The following TRPC7 variants were observed in gnomAD, a reference collection of about 807,000 sequenced individuals.
TRPC7 encodes the protein transient receptor potential cation channel subfamily C member 7.
In TRPC7, 42 loss-of-function variants were observed where a neutral mutation model predicts 90.1. That is an observed-to-expected ratio of 0.47 (90% confidence interval 0.36 to 0.60). The LOEUF (loss-of-function observed/expected upper bound fraction) is 0.60. Ranked by LOEUF, TRPC7 falls within the 20% of genes least tolerant of loss-of-function variation. The probability of loss-of-function intolerance (pLI) is 0.00; values close to 1 mark genes in which losing one functional copy is unlikely to be tolerated. For synonymous variants in TRPC7, 451 were observed against 436.3 expected (o/e 1.03, Z -0.42); for missense variants, 955 against 1,112.3 (o/e 0.86, Z 2.01).
intron 6 of TRPC7, among the ~76,000 whole-genome samples, chr5:136,250,908 C>T (rs567722413): frequency 6.6e-6 from 1 of 152,308 alleles, no homozygotes; most frequent in East Asian, 1.9e-4. Context: ...GGATTCCCTG[C>T]TATACAAGGC....
At chr5:136,262,458 A>G (rs1224723769) in intron 5 of TRPC7, among the ~76,000 whole-genome samples, 1 of 152,216 alleles carries the variant, frequency 6.6e-6, no homozygotes, top group Admixed American at 6.5e-5. Context: ...TACCTGCTCA[A>G]CTACTCTGAT....
In TRPC7 at chr5:136,345,376, C is replaced by T. The variant is rs564273847; in HGVS notation, c.780+11232G>A. The stretch of plus-strand genomic sequence containing the variant: ...TTTGAGACCAGCCTGGCCAACATGG[C>T]GAAACCCCGTCTCTACTAAAAATAC... On this transcript the variant is annotated intron_variant, in intron 2 of 11. Transcript: ENST00000513104. Among the ~76,000 whole-genome samples the T allele has an allele frequency of 2.5e-4, 38 of 151,908 alleles. No individual in the cohort carries two copies. In the East Asian group the frequency reaches 2.9e-3, roughly 12 times the overall value.
Position 136,247,546 on chromosome 5 carries a change from A to G in TRPC7, c.1769T>C (p.Phe590Ser). ...FKFMVIFIMV[F>S]VAFMIGMFNL... is the part of the protein sequence containing the mutation. ...GAACATCCCAATCATGAAGGCCACAAATACCATGATGAAAATGACCATGAA... is the reference window on the plus strand; with the variant it reads ...GAACATCCCAATCATGAAGGCCACAGATACCATGATGAAAATGACCATGAA... The change falls in exon 7 of 12, where the codon TTT (phenylalanine) becomes TCT (serine). Residue 590 changes from phenylalanine to serine, a missense_variant. This residue lies in a region of TRPC7 where 296 missense variants were observed against 422.7 expected (regional missense o/e 0.70). Coordinates refer to ENST00000513104, the MANE Select transcript of TRPC7 (RefSeq NM_020389.3). This position sits in a 1 kb window ranked among gnomAD's most constrained non-coding sequence, Gnocchi z 4.2. 1 of 1,614,002 alleles carries G rather than the reference A, an allele frequency of 6.2e-7. No homozygotes were observed. Among genetic ancestry groups the G allele is most frequent in the Non-Finnish European group, 8.5e-7 (1 of 1,179,882 alleles).
rs550615279 is a variant in TRPC7, at chr5:136,359,429, A to G, written c.3-2044T>C. Among the ~76,000 whole-genome samples the G allele has an allele frequency of 3.4e-4, 51 of 151,972 alleles. No homozygotes were observed. In the South Asian group the frequency reaches 0.01, roughly 30 times the overall value. On this transcript the variant is annotated intron_variant, in intron 1 of 11. Transcript: ENST00000513104. ...TGTACACCTTTAGGAAGAGCGTCTG[A>G]ACCACCATCCACTTTTTTAAAGTGC...
chr5:136,288,964 C>T (rs955005267), intron 3 of TRPC7, among the ~76,000 whole-genome samples: 6 of 152,286 alleles, frequency 3.9e-5, no homozygotes, highest in Admixed American at 1.3e-4. Flanking sequence ...TCTTTGTAAA[C>T]CCTCCCTAAT....
intron 3 of TRPC7, among the ~76,000 whole-genome samples, chr5:136,287,468 G>A (rs1190211537): frequency 6.6e-6 from 1 of 151,684 alleles, no homozygotes; most frequent in African/African-American, 2.4e-5. Flanking sequence ...TGCCTTGGAG[G>A]TAGATGGACC....
intron 3 of TRPC7, among the ~76,000 whole-genome samples, chr5:136,285,716 A>C (rs1757690797): frequency 6.6e-6 from 1 of 152,206 alleles, no homozygotes; most frequent in African/African-American, 2.4e-5. Context: ...CTGATGATAG[A>C]TTTTGTAATC....
chr5:136,327,493 GA>G (rs1031814046), intron 2 of TRPC7, among the ~76,000 whole-genome samples: 3 of 152,186 alleles, frequency 2.0e-5, no homozygotes, highest in Non-Finnish European at 4.4e-5. Flanking sequence ...ATCGCTCAGA[GA>G]AGGGGTTCAG....
At chr5:136,320,033 G>A (rs866718088) in intron 2 of TRPC7, among the ~76,000 whole-genome samples, 10 of 151,848 alleles carry the variant, frequency 6.6e-5, no homozygotes, top group East Asian at 3.9e-4. Flanking sequence ...TTTCTTCTCC[G>A]TATCCAATTA....
intron 7 of TRPC7, among the ~76,000 whole-genome samples, chr5:136,237,698 A>G (rs1292891680): frequency 2.0e-5 from 3 of 152,234 alleles, no homozygotes; most frequent in Non-Finnish European, 4.4e-5. Context: ...TGAGGATTGA[A>G]TGAGTTAATG....
At chr5:136,325,317 T>C (rs888855659) in intron 2 of TRPC7, among the ~76,000 whole-genome samples, 3 of 152,156 alleles carry the variant, frequency 2.0e-5, no homozygotes, top group African/African-American at 7.2e-5. Flanking sequence ...GCCACTGATA[T>C]CGACAGCTCT....
At chr5:136,248,058 G>A (rs920998094) in intron 6 of TRPC7, among the ~76,000 whole-genome samples, 1 of 152,180 alleles carries the variant, frequency 6.6e-6, no homozygotes, top group Non-Finnish European at 1.5e-5. Flanking sequence ...GTTTCCGTCT[G>A]TGCTCTCATT....
intron 3 of TRPC7, among the ~76,000 whole-genome samples, chr5:136,294,676 A>C (rs76750719): frequency 0.64 from 96,499 of 151,910 alleles, 31,326 homozygotes; most frequent in African/African-American, 0.78. Context: ...ATAAGGAACA[A>C]TTTTACACTG....
chr5:136,357,194 TC>T lies in TRPC7; in HGVS notation c.193del (p.Glu65SerfsTer27), dbSNP rs1410626943. 6.2e-7 allele frequency: 1 copy of T among 1,614,010 alleles called. No homozygotes were observed. The highest frequency in any genetic ancestry group is 2.2e-5 in the East Asian group (1 of 44,862). ...NIPVVRKMLEESKTLNFNCVD... is the reference protein window; with the variant it reads ...NIPVVRKMLEXSKTLNFNCVD... Reference sequence around the variant, plus strand: ...ACAGTTGAAGTTAAGGGTCTTGGACTCCTCCAGCATTTTCCGGACCACCGGG... The same window carrying T: ...ACAGTTGAAGTTAAGGGTCTTGGACTCTCCAGCATTTTCCGGACCACCGGG... On this transcript the variant is annotated frameshift_variant, in exon 2 of 12. Transcript: ENST00000513104. LOFTEE classifies it high-confidence loss of function.
At position 136,359,548 on chromosome 5, in the gene TRPC7, G is replaced by A. The variant is rs3756700; in HGVS notation, c.3-2163C>T. On this transcript the variant is annotated intron_variant, in intron 1 of 11. Coordinates refer to ENST00000513104, the MANE Select transcript of TRPC7 (RefSeq NM_020389.3). ...TCCTTTCAACAATGCCATCATTCCA[G>A]AGACAGTCTGCTCAATGGTACCAAA... 1.7e-3 allele frequency among the ~76,000 whole-genome samples: 261 copies of A among 152,294 alleles called. 9 individuals are homozygous for A. The East Asian group carries it at 0.049, about 29-fold the overall frequency.
intron 3 of TRPC7, among the ~76,000 whole-genome samples, chr5:136,284,439 T>A (rs1757646512): frequency 6.6e-6 from 1 of 152,194 alleles, no homozygotes; most frequent in South Asian, 2.1e-4. Flanking sequence ...TTCATATTCT[T>A]TAGAAGTAAA....
At chr5:136,305,226 G>C (rs1020466370) in intron 3 of TRPC7, among the ~76,000 whole-genome samples, 1 of 152,012 alleles carries the variant, frequency 6.6e-6, no homozygotes, top group African/African-American at 2.4e-5. Flanking sequence ...TGATCCACCT[G>C]ATATTCACCC....
intron 2 of TRPC7, among the ~76,000 whole-genome samples, chr5:136,343,475 G>A (rs533294808): frequency 2.6e-5 from 4 of 152,262 alleles, no homozygotes; most frequent in African/African-American, 9.6e-5. Flanking sequence ...TATTCCTTGG[G>A]GGAAGGAATA....
chr5:136,273,594 G>A (rs750589069), intron 4 of TRPC7, among the ~76,000 whole-genome samples: 25 of 152,066 alleles, frequency 1.6e-4, no homozygotes, highest in Admixed American at 7.2e-4. Flanking sequence ...CCGAAGTCTC[G>A]CAGCTGTCAT....
Sources: gnomAD v4.1 joint callset for allele counts (sites outside exome capture counted in the v4.1 genomes callset) on GRCh38, gnomAD v4.1.1 for gene constraint, gnomAD v4.1.1 regional missense constraint, Gnocchi (gnomAD v3.1) non-coding constraint, MANE v1.5 for transcripts, NCBI Gene and HGNC (gene_info 2026-07-23, HGNC 2026-07-21) for gene names.